TMEM87A: variants seen among roughly 807,000 people sequenced by gnomAD.
The protein encoded by TMEM87A is Golgi-pH regulating cation channel.
TMEM87A carries 50 observed loss-of-function variants against 90.0 expected under a neutral mutation model. The ratio of observed to expected loss-of-function variants is 0.56; its 90% CI spans 0.44 to 0.70. TMEM87A has a LOEUF of 0.70. Among genes scored for constraint, TMEM87A ranks in the 30% least tolerant of loss-of-function variants. The pLI, the probability that TMEM87A is intolerant of heterozygous loss-of-function variation, is 0.00. For missense variants in TMEM87A, 577 were observed against 660.5 expected (o/e 0.87, Z 1.39); for synonymous variants, 226 against 226.7 (o/e 1.00, Z 0.03).
At chr15:42,235,776 T>C (rs1024843292) in intron 10 of TMEM87A, among the ~76,000 whole-genome samples, 4 of 152,190 alleles carry the variant, frequency 2.6e-5, no homozygotes, top group Non-Finnish European at 4.4e-5. Context: ...CCTGCTCCAC[T>C]GCACTTTCCA....
At chr15:42,252,034 G>C (rs1451034611) in intron 6 of TMEM87A, among the ~76,000 whole-genome samples, 2 of 152,286 alleles carry the variant, frequency 1.3e-5, no homozygotes, top group Non-Finnish European at 2.9e-5. Flanking sequence ...AGGCTCCGTG[G>C]GCGTGGGACC....
At chr15:42,256,979 A>G (rs567221501) in intron 6 of TMEM87A, among the ~76,000 whole-genome samples, 3 of 152,306 alleles carry the variant, frequency 2.0e-5, no homozygotes, top group African/African-American at 7.2e-5. Flanking sequence ...TGGCCTCCCA[A>G]GGTGCTGGGG....
In TMEM87A at chr15:42,210,624, C is replaced by T. The variant is rs1476308195; in HGVS notation, c.*1084G>A. 1 of 152,514 alleles carries T rather than the reference C, an allele frequency of 6.6e-6. No homozygotes were observed. Among genetic ancestry groups the T allele is most frequent in the Non-Finnish European group, 1.5e-5 (1 of 67,992 alleles). 9.4% of individuals were successfully genotyped at this position (152,514 alleles called of 1,614,324 possible). On this transcript the variant is annotated 3_prime_UTR_variant, in exon 20 of 20. Transcript: ENST00000389834. The stretch of plus-strand genomic sequence containing the variant: ...GCAAAATTGGATAAAACCATTAAAA[C>T]AGAAATAGAGTGCTTCAAATGAATC...
In TMEM87A at chr15:42,237,403, G is replaced by T. The variant is rs537826110; in HGVS notation, c.868+29C>A. On this transcript the variant is annotated intron_variant, in intron 9 of 19. Coordinates refer to ENST00000389834, the MANE Select transcript of TMEM87A (RefSeq NM_015497.5). ...CATACATCTCACCTTCCAACCACTC[G>T]AACTGGCAAAGATTTTCTGGTTACT... The T allele has an allele frequency of 1.9e-6, 3 of 1,608,742 alleles. No homozygotes were observed. In the East Asian group the frequency reaches 6.7e-5, roughly 36 times the overall value.
chr15:42,258,161 C>T, intron 6 of TMEM87A: 1 of 975,294 alleles, frequency 1.0e-6, no homozygotes, highest in Non-Finnish European at 1.2e-6. Flanking sequence ...ACTATACAAG[C>T]ATTTAAGTAA....
intron 6 of TMEM87A, among the ~76,000 whole-genome samples, chr15:42,248,146 T>C (rs1273535538): frequency 6.6e-6 from 1 of 152,218 alleles, no homozygotes; most frequent in African/African-American, 2.4e-5. Flanking sequence ...TCCTGAGACT[T>C]TGCTGAAGTT....
chr15:42,254,841 T>C lies in TMEM87A; in HGVS notation c.504+6117A>G, dbSNP rs760478762. Among the ~76,000 whole-genome samples, 150 of 152,326 alleles carry C rather than the reference T, an allele frequency of 9.8e-4. 1 individual carries two copies. Among genetic ancestry groups the C allele is most frequent in the African/African-American group, 3.3e-3 (136 of 41,570 alleles). ...ACACTGCAGAGTGAACCTTAAACTA[T>C]AGACTTTGATAATAACATGTCAACG... On this transcript the variant is annotated intron_variant, in intron 6 of 19. Transcript: ENST00000389834.
intron 19 of TMEM87A, among the ~76,000 whole-genome samples, chr15:42,214,747 T>C (rs897155047): frequency 6.6e-6 from 1 of 152,170 alleles, no homozygotes; most frequent in South Asian, 2.1e-4. Flanking sequence ...ACCACAAAAC[T>C]CCTAGAAGAC....
At chr15:42,225,661 A>G (rs779979361) in intron 15 of TMEM87A, among the ~76,000 whole-genome samples, 1 of 152,070 alleles carries the variant, frequency 6.6e-6, no homozygotes, top group Non-Finnish European at 1.5e-5. Flanking sequence ...CCTCCCGAGT[A>G]GCTGGGATTA....
chr15:42,239,309 G>A (rs552435769), intron 8 of TMEM87A, among the ~76,000 whole-genome samples: 4 of 152,260 alleles, frequency 2.6e-5, no homozygotes, highest in South Asian at 2.1e-4. Context: ...CCAAAATGTT[G>A]GGATTACAGG....
At chr15:42,219,917 C>A in intron 16 of TMEM87A, 145 bp downstream of exon 16, 1 of 764,536 alleles carries the variant, frequency 1.3e-6, no homozygotes, top group Non-Finnish European at 2.1e-6. Context: ...ACCATGCCTT[C>A]ATCTTAAGAT....
chr15:42,227,548 A>G (rs534300245), intron 14 of TMEM87A, 163 bp downstream of exon 14: 1 of 588,024 alleles, frequency 1.7e-6, no homozygotes, highest in Non-Finnish European at 3.0e-6. Flanking sequence ...GCACCATGAT[A>G]GTACAGAATA....
chr15:42,268,725 G>T (rs2051454445), intron 2 of TMEM87A, among the ~76,000 whole-genome samples: 1 of 151,980 alleles, frequency 6.6e-6, no homozygotes, highest in Admixed American at 6.6e-5. Context: ...AAGGTATAAT[G>T]GCACACTGTT....
chr15:42,264,699 A>ATATATT (rs10681614), intron 3 of TMEM87A, among the ~76,000 whole-genome samples: 5,960 of 109,400 alleles, frequency 0.054, 325 homozygotes, highest in Admixed American at 0.18. Flanking sequence ...ATATATATAT[A>ATATATT]TTTTTTTTTT....
intron 7 of TMEM87A, among the ~76,000 whole-genome samples, chr15:42,242,942 T>C (rs2050898992): frequency 6.6e-6 from 1 of 152,014 alleles, no homozygotes; most frequent in Non-Finnish European, 1.5e-5. Context: ...CTGCCATCAT[T>C]GTTTCTATTC....
intron 1 of TMEM87A, 83 bp downstream of exon 1, chr15:42,273,172 C>A (rs183875403): frequency 6.4e-6 from 10 of 1,550,858 alleles, no homozygotes; most frequent in Middle Eastern, 1.8e-4. Flanking sequence ...GAGACTTTTG[C>A]GGAACCTTCA....
intron 7 of TMEM87A, among the ~76,000 whole-genome samples, chr15:42,240,697 C>T (rs1039436539): frequency 1.3e-5 from 2 of 151,998 alleles, no homozygotes; most frequent in African/African-American, 4.8e-5. Context: ...AAAAATCTGA[C>T]TTGAGTGGTG....
At chr15:42,244,950 C>T (rs1048371887) in intron 6 of TMEM87A, among the ~76,000 whole-genome samples, 7 of 151,268 alleles carry the variant, frequency 4.6e-5, no homozygotes, top group African/African-American at 1.7e-4. Flanking sequence ...TTCTGTGAAC[C>T]CCCCAAAATG....
At chr15:42,267,768 A>G (rs1039014994) in intron 3 of TMEM87A, among the ~76,000 whole-genome samples, 179 bp downstream of exon 3, 1 of 152,214 alleles carries the variant, frequency 6.6e-6, no homozygotes, top group Non-Finnish European at 1.5e-5. Context: ...TTTTACAAAT[A>G]TAAGAGTTCT....
Sources: allele counts gnomAD v4.1 joint callset (sites outside exome capture counted in the v4.1 genomes callset), GRCh38; gene constraint gnomAD v4.1.1; transcripts MANE v1.5; gene names NCBI Gene and HGNC (gene_info 2026-07-23, HGNC 2026-07-21).